Variants in MICAL2 observed in about 807,000 individuals in gnomAD.
MICAL2 encodes [F-actin]-monooxygenase MICAL2.
Under a neutral mutation model 127.3 loss-of-function variants are expected in MICAL2, and 77 were observed. The observed-to-expected ratio is 0.60, with a 90% confidence interval of 0.50 to 0.73. The LOEUF is 0.73. Among genes scored for constraint, MICAL2 ranks in the 30% least tolerant of loss-of-function variants. The pLI, the probability that MICAL2 is intolerant of heterozygous loss-of-function variation, is 0.00. For missense variants in MICAL2, 1,351 were observed against 1,434.4 expected (o/e 0.94, Z 0.94); for synonymous variants, 570 against 551.1 (o/e 1.03, Z -0.48).
chr11:12,324,147 G>A (rs1221770719), intron 31 of MICAL2: 1 of 1,533,900 alleles, frequency 6.5e-7, no homozygotes, highest in Non-Finnish European at 8.8e-7. Context: ...AGAGTTTTGG[G>A]GGTCTGCATT....
At chr11:12,301,552 AG>A (rs1864047261) in intron 29 of MICAL2, among the ~76,000 whole-genome samples, 1 of 152,204 alleles carries the variant, frequency 6.6e-6, no homozygotes, top group Admixed American at 6.5e-5. Flanking sequence ...TAAAACAGTA[AG>A]GGCAGATTTT....
At chr11:12,273,472 G>T (rs1863693777), upstream of MICAL2, among the ~76,000 whole-genome samples, 1 of 151,026 alleles carries the variant, frequency 6.6e-6, no homozygotes, top group Non-Finnish European at 1.5e-5. Flanking sequence ...GTAGACACGT[G>T]CACACAGCAA....
chr11:12,139,545 G>C (rs1852145645), intron 2 of MICAL2, among the ~76,000 whole-genome samples: 1 of 152,198 alleles, frequency 6.6e-6, no homozygotes, highest in East Asian at 1.9e-4. Flanking sequence ...CAGCTGGCCT[G>C]GTGGGCGCTG....
At chr11:12,143,897 A>G (rs1216171808) in intron 2 of MICAL2, among the ~76,000 whole-genome samples, 2 of 152,224 alleles carry the variant, frequency 1.3e-5, no homozygotes, top group African/African-American at 2.4e-5. Flanking sequence ...ATTTTTAAAA[A>G]TATCAGATCA....
At chr11:12,222,379 C>T (rs139734363) in intron 10 of MICAL2, among the ~76,000 whole-genome samples, 2 of 152,322 alleles carry the variant, frequency 1.3e-5, no homozygotes, top group African/African-American at 4.8e-5. Context: ...CCTCCCCCTG[C>T]CTGGGTGGAG....
intron 1 of MICAL2, among the ~76,000 whole-genome samples, chr11:12,277,363 A>C (rs144579673): frequency 6.6e-6 from 1 of 152,140 alleles, no homozygotes; most frequent in African/African-American, 2.4e-5. Context: ...AACAGATTCA[A>C]CAAGTGGGGA....
intron 27 of MICAL2, 41 bp downstream of exon 27, chr11:12,262,578 C>A (rs915671992): frequency 2.9e-5 from 44 of 1,541,770 alleles, no homozygotes; most frequent in African/African-American, 4.1e-5. Context: ...GTGGTACTAA[C>A]CCCCAACCCG....
At chr11:12,186,546 G>T (rs1196943146) in intron 3 of MICAL2, among the ~76,000 whole-genome samples, 2 of 151,976 alleles carry the variant, frequency 1.3e-5, no homozygotes, top group Non-Finnish European at 2.9e-5. Context: ...TTTAAAAAAA[G>T]ATTTTTTTTT....
At chr11:12,117,983 G>T (rs1468852946) in intron 1 of MICAL2, among the ~76,000 whole-genome samples, 1 of 152,160 alleles carries the variant, frequency 6.6e-6, no homozygotes, top group African/African-American at 2.4e-5. Context: ...GGGACCATGG[G>T]GTCCATGTCG....
rs778947908 is a variant in MICAL2 at position 12,163,278 on chromosome 11, T to C, written c.264+859T>C. On this transcript the variant is annotated intron_variant, in intron 3 of 27. Coordinates refer to ENST00000683283, the MANE Select transcript of MICAL2 (RefSeq NM_001282663.2). ...TCTCAGCTGACTTCCCTGGTGGCCG[T>C]TGGGGACTACCAGCCCTGAGCACTG... Among the ~76,000 whole-genome samples the C allele has an allele frequency of 2.6e-5, 4 of 152,090 alleles. No homozygotes were observed. In the East Asian group the frequency reaches 5.8e-4, roughly 22 times the overall value.
chr11:12,227,784 C>A (rs1178972585), intron 15 of MICAL2, among the ~76,000 whole-genome samples: 3 of 152,174 alleles, frequency 2.0e-5, no homozygotes, highest in African/African-American at 7.2e-5. Flanking sequence ...AAATACCTAA[C>A]AGTTTCATTT....
At chr11:12,119,113 AC>A (rs1430987330) in intron 1 of MICAL2, among the ~76,000 whole-genome samples, 1 of 151,488 alleles carries the variant, frequency 6.6e-6, no homozygotes, top group African/African-American at 2.4e-5. Flanking sequence ...TCTGCCCTTG[AC>A]CCCTGAACCC....
rs573693053 is a variant in MICAL2 at position 12,185,703 on chromosome 11, G to T, written c.265-18547G>T. ...CCTAGTTCTTAGTGTTCTTTGTACG[G>T]TACTCCGCACTGCTCAGCTCTCCCA... is the stretch of plus-strand genomic sequence containing the variant. On this transcript the variant is annotated intron_variant, in intron 3 of 27. Coordinates refer to ENST00000683283, the MANE Select transcript of MICAL2 (RefSeq NM_001282663.2). Among the ~76,000 whole-genome samples the T allele has an allele frequency of 4.6e-4, 70 of 152,180 alleles. 1 individual carries two copies. The South Asian group carries it at 0.012, about 27-fold the overall frequency.
chr11:12,357,008 A>G (rs1257905237), intron 34 of MICAL2, among the ~76,000 whole-genome samples: 1 of 152,252 alleles, frequency 6.6e-6, no homozygotes, highest in Non-Finnish European at 1.5e-5. Flanking sequence ...AAGGCCCAGA[A>G]TGGAGAGACC....
chr11:12,220,121 A>C, intron 8 of MICAL2, 80 bp from the exon 9 acceptor site: 1 of 1,557,220 alleles, frequency 6.4e-7, no homozygotes, highest in Non-Finnish European at 8.8e-7. Context: ...ACCCATTCCA[A>C]GTCCTTTTGC....
chr11:12,221,853 TG>T, intron 10 of MICAL2, 94 bp downstream of exon 10: 2 of 906,500 alleles, frequency 2.2e-6, no homozygotes, highest in South Asian at 3.3e-5. Context: ...TGGATATACC[TG>T]GAGCCTCTGC....
chr11:12,332,634 G>C (rs997786867), intron 32 of MICAL2, among the ~76,000 whole-genome samples: 4 of 152,148 alleles, frequency 2.6e-5, no homozygotes, highest in African/African-American at 9.7e-5. Context: ...GGTAGCCCAA[G>C]TTGCCCTGTT....
intron 2 of MICAL2, among the ~76,000 whole-genome samples, chr11:12,155,209 G>C (rs1854023533): frequency 6.6e-6 from 1 of 152,100 alleles, no homozygotes; most frequent in Non-Finnish European, 1.5e-5. Flanking sequence ...AGCTTGAAGA[G>C]GTACAGATGA....
At chr11:12,324,834 G>A (rs1864337441) in intron 31 of MICAL2, among the ~76,000 whole-genome samples, 1 of 152,142 alleles carries the variant, frequency 6.6e-6, no homozygotes, top group Admixed American at 6.5e-5. Flanking sequence ...GGCTGACTTG[G>A]GAGCTACCTC....
Sources: gnomAD v4.1 joint callset for allele counts (sites outside exome capture counted in the v4.1 genomes callset) on GRCh38, gnomAD v4.1.1 for gene constraint, MANE v1.5 for transcripts, NCBI Gene and HGNC (gene_info 2026-07-23, HGNC 2026-07-21) for gene names.